Variants in TFCP2 observed in about 807,000 individuals in gnomAD.
TFCP2 encodes the protein alpha-globin transcription factor CP2.
TFCP2 carries 33 observed loss-of-function variants against 73.4 expected under a neutral mutation model. That is an observed-to-expected ratio of 0.45 (90% confidence interval 0.34 to 0.60). The LOEUF (loss-of-function observed/expected upper bound fraction) is 0.60. Ranked by LOEUF, TFCP2 falls within the 20% of genes least tolerant of loss-of-function variation. The pLI, the probability that TFCP2 is intolerant of heterozygous loss-of-function variation, is 0.01. For missense variants in TFCP2, 352 were observed against 604.0 expected, an observed-to-expected ratio of 0.58 and a Z score of 4.37; for synonymous variants, 193 against 211.6, an observed-to-expected ratio of 0.91 and a Z score of 0.76.
chr12:51,121,982 C>T (rs756014487), intron 1 of TFCP2, among the ~76,000 whole-genome samples: 21 of 152,102 alleles, frequency 1.4e-4, no homozygotes, highest in Non-Finnish European at 2.1e-4. Context: ...GGCAAAGACA[C>T]TATTGACAGA....
intron 1 of TFCP2, among the ~76,000 whole-genome samples, chr12:51,143,950 G>A (rs2640529): frequency 0.98 from 149,365 of 152,314 alleles, 73,302 homozygotes; most frequent in Middle Eastern, 1. Context: ...TACATATGCC[G>A]ATGATGTCAA....
chr12:51,155,768 G>A (rs1273298320), intron 1 of TFCP2, among the ~76,000 whole-genome samples: 1 of 152,140 alleles, frequency 6.6e-6, no homozygotes, highest in Non-Finnish European at 1.5e-5. Flanking sequence ...TAGGCCAGGC[G>A]CAGTGGCTCA....
chr12:51,109,185 T>C lies in TFCP2; in HGVS notation c.653A>G (p.Glu218Gly). The C allele has an allele frequency of 6.2e-7, 1 of 1,614,182 alleles. No individual in the cohort carries two copies. Among genetic ancestry groups the C allele is most frequent in the Non-Finnish European group, 8.5e-7 (1 of 1,180,014 alleles). Residue 218 changes from glutamate (E) to glycine (G), a missense_variant, in exon 6 of 15, where the codon GAG becomes GGG. By Grantham distance (98) the Glu-to-Gly change is moderately conservative. Coordinates refer to ENST00000257915, the MANE Select transcript of TFCP2 (RefSeq NM_005653.5). ...CTCAGTATATTCCCCGTTTTCATTC[T>C]CCTTGAAGGTATCTATTTGTACTCG... Reference protein sequence around the residue: ...PFRVQIDTFKENENGEYTEHL... With the variant: ...PFRVQIDTFKGNENGEYTEHL...
intron 1 of TFCP2, among the ~76,000 whole-genome samples, chr12:51,168,926 C>A (rs1231531934): frequency 6.6e-6 from 1 of 151,962 alleles, no homozygotes; most frequent in Non-Finnish European, 1.5e-5. Context: ...CTCAGCCTCC[C>A]AAGTAGCTGG....
chr12:51,132,531 G>A (rs1247201379), intron 1 of TFCP2, among the ~76,000 whole-genome samples: 2 of 151,568 alleles, frequency 1.3e-5, no homozygotes, highest in Non-Finnish European at 2.9e-5. Context: ...ACCATGTCTG[G>A]CTAATTTTTT....
At position 51,158,481 on chromosome 12, in the gene TFCP2, T is replaced by A. The variant is rs375144510; in HGVS notation, c.122+13820A>T. 2.8e-4 allele frequency among the ~76,000 whole-genome samples: 43 copies of A among 152,220 alleles called. No homozygotes were observed. In the East Asian group the frequency reaches 6.2e-3, roughly 22 times the overall value. On this transcript the variant is annotated intron_variant, in intron 1 of 14. Transcript: ENST00000257915. Reference sequence around the variant, plus strand: ...CTTTTGATCATCCTAGTCATCAGTATCTGTTTTTTTGTTTGTTTGTTTTTT... The same window carrying A: ...CTTTTGATCATCCTAGTCATCAGTAACTGTTTTTTTGTTTGTTTGTTTTTT...
chr12:51,127,329 C>G (rs1182478054), intron 1 of TFCP2, among the ~76,000 whole-genome samples: 1 of 151,828 alleles, frequency 6.6e-6, no homozygotes, highest in Non-Finnish European at 1.5e-5. Context: ...TTGAGGTTCT[C>G]AAAAATGAAA....
chr12:51,131,164 CTAAAAA>C (rs1940936055), intron 1 of TFCP2, among the ~76,000 whole-genome samples: 1 of 145,736 alleles, frequency 6.9e-6, no homozygotes, highest in Non-Finnish European at 1.5e-5. Flanking sequence ...CCCATCTCTA[CTAAAAA>C]AAAAAAAACA....
In TFCP2 at chr12:51,116,310, C is replaced by G. The variant is rs370242505; in HGVS notation, c.457+5G>C. Reference sequence around the variant, plus strand: ...TTTCCTAGGCAATAGATTCTCTTAACTCACCTATGTCAAGAATTCTGTCTC... The same window carrying G: ...TTTCCTAGGCAATAGATTCTCTTAAGTCACCTATGTCAAGAATTCTGTCTC... On this transcript the variant is annotated splice_donor_5th_base_variant and intron_variant, in intron 4 of 14. Coordinates refer to ENST00000257915, the MANE Select transcript of TFCP2 (RefSeq NM_005653.5). The G allele has an allele frequency of 6.4e-7, 1 of 1,566,364 alleles. No homozygotes were observed. The highest frequency in any genetic ancestry group is 1.8e-5 in the Admixed American group (1 of 57,026).
intron 4 of TFCP2, among the ~76,000 whole-genome samples, chr12:51,115,522 T>C (rs1038990058): frequency 6.6e-6 from 1 of 152,180 alleles, no homozygotes; most frequent in African/African-American, 2.4e-5. Context: ...AGAGTTACCA[T>C]ATGACCCAGC....
intron 1 of TFCP2, among the ~76,000 whole-genome samples, chr12:51,130,336 G>C (rs1237539042): frequency 1.3e-5 from 2 of 152,088 alleles, no homozygotes; most frequent in African/African-American, 4.8e-5. Flanking sequence ...GCTGGGCATA[G>C]TGGTGTGCGT....
chr12:51,103,901 G>A, intron 9 of TFCP2, 138 bp from the exon 10 acceptor site: 1 of 746,930 alleles, frequency 1.3e-6, no homozygotes, highest in East Asian at 2.6e-5. Context: ...CTCCAACCAT[G>A]CAAGATGCTC....
chr12:51,115,574 A>C (rs984079563), intron 4 of TFCP2, among the ~76,000 whole-genome samples: 1 of 152,208 alleles, frequency 6.6e-6, no homozygotes, highest in Admixed American at 6.5e-5. Context: ...TTAAAAGCAG[A>C]GACTCAAACA....
intron 1 of TFCP2, among the ~76,000 whole-genome samples, chr12:51,143,725 C>T (rs1266964487): frequency 6.6e-6 from 1 of 151,950 alleles, no homozygotes; most frequent in East Asian, 1.9e-4. Context: ...GAATTCAAAC[C>T]CCTAAGTTTG....
At chr12:51,101,874 T>C in intron 11 of TFCP2, 61 bp downstream of exon 11, 2 of 1,079,274 alleles carry the variant, frequency 1.9e-6, no homozygotes, top group Non-Finnish European at 2.9e-6. Flanking sequence ...TGTGAAGAAT[T>C]CCTGAATCCA....
At position 51,160,505 on chromosome 12, in the gene TFCP2, T is replaced by C. The variant is rs868490119; in HGVS notation, c.122+11796A>G. ...AATTATCTTTTAAGTGAAAAAAACA[T>C]AGGCACTGGCACTTACAAAGGGTTC... On this transcript the variant is annotated intron_variant, in intron 1 of 14. Coordinates refer to ENST00000257915, the MANE Select transcript of TFCP2 (RefSeq NM_005653.5). 5.3e-5 allele frequency among the ~76,000 whole-genome samples: 8 copies of C among 152,186 alleles called. No homozygotes were observed. In the South Asian group the frequency reaches 1.0e-3, roughly 20 times the overall value.
chr12:51,111,041 GA>G, intron 4 of TFCP2, 58 bp from the exon 5 acceptor site: 3 of 1,188,794 alleles, frequency 2.5e-6, no homozygotes, highest in Non-Finnish European at 3.8e-6. Flanking sequence ...TTTTAAATAA[GA>G]AAGCATTGAT....
chr12:51,104,287 TCATG>T, intron 8 of TFCP2, 84 bp from the exon 9 acceptor site: 1 of 1,214,596 alleles, frequency 8.2e-7, no homozygotes, highest in Non-Finnish European at 1.2e-6. Context: ...ACAATAAATC[TCATG>T]CTAGAGATTA....
intron 10 of TFCP2, among the ~76,000 whole-genome samples, 175 bp downstream of exon 10, chr12:51,103,495 C>T (rs1208525698): frequency 6.6e-6 from 1 of 152,152 alleles, no homozygotes; most frequent in Non-Finnish European, 1.5e-5. Flanking sequence ...TTTCACAGCA[C>T]AGCTGCAGCT....
Sources: gnomAD v4.1 joint callset for allele counts (sites outside exome capture counted in the v4.1 genomes callset) on GRCh38, gnomAD v4.1.1 for gene constraint, MANE v1.5 for transcripts, NCBI Gene and HGNC (gene_info 2026-07-23, HGNC 2026-07-21) for gene names.